Variants in SLC66A3 observed in about 807,000 individuals in gnomAD.
SLC66A3 encodes the protein PQ loop repeat containing 3.
SLC66A3 carries 23 observed loss-of-function variants against 25.5 expected under a neutral mutation model. The ratio of observed to expected loss-of-function variants is 0.90; its 90% CI spans 0.65 to 1.28. SLC66A3 has a LOEUF of 1.28. Among genes scored for constraint, SLC66A3 ranks in the 50% most tolerant of loss-of-function variants. The probability of loss-of-function intolerance (pLI) is 0.00; values close to 1 mark genes in which losing one functional copy is unlikely to be tolerated. For missense variants in SLC66A3, 246 were observed against 262.1 expected, an observed-to-expected ratio of 0.94 and a Z score of 0.42; for synonymous variants, 108 against 112.6, an observed-to-expected ratio of 0.96 and a Z score of 0.26.
chr2:11,160,155 G>A (rs1000605410), intron 1 of SLC66A3: 3 of 429,126 alleles, frequency 7.0e-6, no homozygotes, highest in African/African-American at 2.0e-5. Flanking sequence ...AGAAGGCCCA[G>A]TCTCATATTC....
At chr2:11,177,051 A>C (rs1235847513) in intron 6 of SLC66A3, among the ~76,000 whole-genome samples, 1 of 152,198 alleles carries the variant, frequency 6.6e-6, no homozygotes, top group Non-Finnish European at 1.5e-5. Flanking sequence ...CCTGTGGGCC[A>C]GTTTTTCAGG....
chr2:11,163,196 T>C, intron 3 of SLC66A3, among the ~76,000 whole-genome samples: 1 of 152,342 alleles, frequency 6.6e-6, no homozygotes, highest in East Asian at 1.9e-4. Flanking sequence ...TCCTGTACTT[T>C]TATTTGTGAA....
At chr2:11,156,127 A>G (rs1661890768) in intron 1 of SLC66A3, among the ~76,000 whole-genome samples, 1 of 152,210 alleles carries the variant, frequency 6.6e-6, no homozygotes, top group Non-Finnish European at 1.5e-5. Context: ...CTAAGAATGT[A>G]TGAATCTCTT....
intron 1 of SLC66A3, among the ~76,000 whole-genome samples, chr2:11,159,244 C>T (rs778079421): frequency 6.6e-6 from 1 of 152,190 alleles, no homozygotes; most frequent in African/African-American, 2.4e-5. Flanking sequence ...TGCAGCCTCC[C>T]CCTCTGCCAG....
chr2:11,159,711 G>A (rs1376015653), intron 1 of SLC66A3, among the ~76,000 whole-genome samples: 1 of 152,128 alleles, frequency 6.6e-6, no homozygotes, highest in Non-Finnish European at 1.5e-5. Flanking sequence ...GAGGGAGGGA[G>A]CCAAAAAGCT....
chr2:11,156,292 G>C (rs560390334), intron 1 of SLC66A3, among the ~76,000 whole-genome samples: 1 of 152,292 alleles, frequency 6.6e-6, no homozygotes, highest in Admixed American at 6.5e-5. Flanking sequence ...AGGGGTGACG[G>C]AAAGGTCGTT....
At position 11,158,794 on chromosome 2, in the gene SLC66A3, G is replaced by A. The variant is rs186457008; in HGVS notation, c.144-1672G>A. Among the ~76,000 whole-genome samples the A allele has an allele frequency of 7.0e-3, 1,061 of 151,552 alleles. 14 individuals carry two copies. Among genetic ancestry groups the A allele is most frequent in the African/African-American group, 0.024 (1,004 of 41,426 alleles). On this transcript the variant is annotated intron_variant, in intron 1 of 6. Coordinates refer to ENST00000295083, the MANE Select transcript of SLC66A3 (RefSeq NM_152391.5). ...AGATCGCGCCACTGCACTCCAGCCTGGGCGACAGAGCAAGACTCCATCTCA... is the reference window on the plus strand; with the variant it reads ...AGATCGCGCCACTGCACTCCAGCCTAGGCGACAGAGCAAGACTCCATCTCA...
intron 4 of SLC66A3, among the ~76,000 whole-genome samples, chr2:11,166,981 C>A (rs533215176): frequency 1.3e-5 from 2 of 152,292 alleles, no homozygotes; most frequent in South Asian, 2.1e-4. Flanking sequence ...ACTAGATGTC[C>A]TGTATTTTTG....
In SLC66A3 at chr2:11,167,335, C is replaced by T. The variant is rs539074399; in HGVS notation, c.354+3074C>T. 4.6e-5 allele frequency among the ~76,000 whole-genome samples: 7 copies of T among 151,846 alleles called. No individual in the cohort carries two copies. In the East Asian group the frequency reaches 5.9e-4, roughly 13 times the overall value. On this transcript the variant is annotated intron_variant, in intron 4 of 6. Coordinates refer to ENST00000295083, the MANE Select transcript of SLC66A3 (RefSeq NM_152391.5). ...GCGCATGCCTGTAATCCCAGCTACT[C>T]GGGAGGCTGAGGCAGGAGAATCGCT... is the stretch of plus-strand genomic sequence containing the variant.
rs114881762 is a variant in SLC66A3, at chr2:11,166,294, G to A, written c.354+2033G>A. 9.3e-3 allele frequency among the ~76,000 whole-genome samples: 1,412 copies of A among 152,232 alleles called. 15 individuals are homozygous for A. The highest frequency in any genetic ancestry group is 0.031 in the African/African-American group (1,290 of 41,538). On this transcript the variant is annotated intron_variant, in intron 4 of 6. Transcript: ENST00000295083. The stretch of plus-strand genomic sequence containing the variant: ...TTTTTTTCATACTTGGCTCAGGGCC[G>A]AAAATTTCCAAGGGCTCCTGAGGGT...
chr2:11,155,588 GGGCGTGTGCGCCGCGCT>G lies in SLC66A3; in HGVS notation c.44_60del (p.Gly15GlufsTer67). 6.6e-7 allele frequency: 1 copy of G among 1,516,914 alleles called. No individual in the cohort carries two copies. The highest frequency in any genetic ancestry group is 8.8e-7 in the Non-Finnish European group (1 of 1,142,316). The allele number at this position is 1,516,914 out of a possible 1,614,324, so 94.0% of individuals were successfully genotyped here. ...TGGGGCTGTGTAACTGGAGCACGCT[GGGCGTGTGCGCCGCGCT>G]GAAGCTGCCGCAGATCTCCGCTGTG... On this transcript the variant is annotated frameshift_variant, in exon 1 of 7. Coordinates refer to ENST00000295083, the MANE Select transcript of SLC66A3 (RefSeq NM_152391.5). LOFTEE classifies it high-confidence loss of function.
At chr2:11,158,413 A>C (rs1229315838) in intron 1 of SLC66A3, among the ~76,000 whole-genome samples, 1 of 152,242 alleles carries the variant, frequency 6.6e-6, no homozygotes, top group Non-Finnish European at 1.5e-5. Flanking sequence ...CTGTAATCCC[A>C]GCACTTTGGG....
At chr2:11,167,010 C>A (rs1178652296) in intron 4 of SLC66A3, among the ~76,000 whole-genome samples, 1 of 152,302 alleles carries the variant, frequency 6.6e-6, no homozygotes, top group Non-Finnish European at 1.5e-5. Flanking sequence ...CTCTCACAAC[C>A]CTGTAAATGA....
rs984197679 is a variant in SLC66A3 at position 11,175,059 on chromosome 2, T to A, written c.517+50T>A. 7.2e-6 allele frequency: 10 copies of A among 1,398,518 alleles called. No individual in the cohort carries two copies. The Admixed American group carries it at 9.1e-5, about 13-fold the overall frequency. The allele number at this position is 1,398,518 out of a possible 1,614,324, so 86.6% of individuals were successfully genotyped here. On this transcript the variant is annotated intron_variant, in intron 6 of 6. Transcript: ENST00000295083. ...CTTTTTGAGTTTTGTGCTATTTGTG[T>A]CTCCTTCATTTGTAAACTGTCTTAG...
At chr2:11,155,844 C>T (rs530041400) in intron 1 of SLC66A3, among the ~76,000 whole-genome samples, 155 bp downstream of exon 1, 2 of 152,304 alleles carry the variant, frequency 1.3e-5, no homozygotes, top group African/African-American at 2.4e-5. Flanking sequence ...AGCCTAGGGG[C>T]TCGGGGTGCT....
intron 4 of SLC66A3, among the ~76,000 whole-genome samples, 172 bp downstream of exon 4, chr2:11,164,433 C>T (rs1229769793): frequency 1.3e-5 from 2 of 149,812 alleles, no homozygotes; most frequent in African/African-American, 2.5e-5. Context: ...CCTCCACCTC[C>T]TGGGTTCAAG....
chr2:11,159,477 G>C (rs528491483), intron 1 of SLC66A3, among the ~76,000 whole-genome samples: 2 of 152,194 alleles, frequency 1.3e-5, no homozygotes, highest in Non-Finnish European at 2.9e-5. Flanking sequence ...GGAGGCCCTC[G>C]TGCTCAGGGC....
chr2:11,164,345 A>ATATATATATTTTT lies in SLC66A3; in HGVS notation c.354+85_354+86insATATATATTTTTT. The ATATATATATTTTT allele has an allele frequency of 9.9e-4, 92 of 92,804 alleles. 3 individuals are homozygous for ATATATATATTTTT. The highest frequency in any genetic ancestry group is 1.8e-3 in the African/African-American group (40 of 21,758). The allele number at this position is 92,804 out of a possible 1,614,324, so 5.7% of individuals were successfully genotyped here. On this transcript the variant is annotated intron_variant, in intron 4 of 6. Transcript: ENST00000295083. ...TAGATATTTATATATATATATATAT[A>ATATATATATTTTT]TTTTTTTTTTTTTGAAATGGAGTTT...
At chr2:11,159,799 G>A (rs1202047498) in intron 1 of SLC66A3, among the ~76,000 whole-genome samples, 1 of 152,198 alleles carries the variant, frequency 6.6e-6, no homozygotes, top group Non-Finnish European at 1.5e-5. Context: ...GTGTGAGGGG[G>A]AGGCAGGAAG....
Sources: allele counts gnomAD v4.1 joint callset (sites outside exome capture counted in the v4.1 genomes callset), GRCh38; gene constraint gnomAD v4.1.1; transcripts MANE v1.5; gene names NCBI Gene and HGNC (gene_info 2026-07-23, HGNC 2026-07-21).